Variants in LIMA1 observed in about 807,000 individuals in gnomAD.
LIMA1 encodes the protein LIM domain and actin binding 1.
In LIMA1, 52 loss-of-function variants were observed where a neutral mutation model predicts 62.6. That is an observed-to-expected ratio of 0.83 (90% CI 0.67 to 1.05). The LOEUF (loss-of-function observed/expected upper bound fraction) is 1.05. LIMA1 is among the 50% of genes least tolerant of loss of function. The pLI is 0.00. For missense variants in LIMA1, 780 were observed against 902.2 expected, an observed-to-expected ratio of 0.86 and a Z score of 1.74; for synonymous variants, 302 against 317.8, an observed-to-expected ratio of 0.95 and a Z score of 0.53.
chr12:50,178,127 C>G, intron 10 of LIMA1, 58 bp from the exon 11 acceptor site: 1 of 1,313,412 alleles, frequency 7.6e-7, no homozygotes, highest in Non-Finnish European at 1.0e-6. Flanking sequence ...TCACTTATAC[C>G]AGGAGGCTAA....
intron 3 of LIMA1, among the ~76,000 whole-genome samples, chr12:50,226,518 C>G (rs1941529427): frequency 6.6e-6 from 1 of 151,920 alleles, no homozygotes; most frequent in African/African-American, 2.4e-5. Flanking sequence ...TTTTGAGATG[C>G]AAGAAGGGTG....
chr12:50,211,813 C>T (rs1156860889), intron 4 of LIMA1, among the ~76,000 whole-genome samples: 1 of 151,958 alleles, frequency 6.6e-6, no homozygotes, highest in Non-Finnish European at 1.5e-5. Context: ...CACACACACA[C>T]GAATTCTGAT....
intron 1 of LIMA1, among the ~76,000 whole-genome samples, chr12:50,260,859 G>C (rs2138670821): frequency 7.6e-6 from 1 of 131,840 alleles, no homozygotes; most frequent in East Asian, 2.3e-4. Context: ...GCATGGATTA[G>C]AATTTAGCTG....
At chr12:50,214,542 C>T (rs1592526560) in intron 4 of LIMA1, among the ~76,000 whole-genome samples, 1 of 152,274 alleles carries the variant, frequency 6.6e-6, no homozygotes, top group Non-Finnish European at 1.5e-5. Flanking sequence ...GGCGCAGTGG[C>T]TCACACCTAT....
At chr12:50,238,517 A>G (rs1205987841) in intron 2 of LIMA1, among the ~76,000 whole-genome samples, 2 of 151,680 alleles carry the variant, frequency 1.3e-5, no homozygotes, top group Non-Finnish European at 2.9e-5. Context: ...AAAAAAAACA[A>G]AACAAAACAA....
At chr12:50,255,033 CA>C (rs200238214) in intron 1 of LIMA1, among the ~76,000 whole-genome samples, 3 of 96,622 alleles carry the variant, frequency 3.1e-5, no homozygotes, top group Admixed American at 1.1e-4. Flanking sequence ...AAAACAAAAC[CA>C]AAAAAAACAA....
chr12:50,193,337 G>T (rs956539434), intron 8 of LIMA1, among the ~76,000 whole-genome samples: 1 of 151,168 alleles, frequency 6.6e-6, no homozygotes, highest in Admixed American at 6.6e-5. Flanking sequence ...TTTAAGGTAG[G>T]ATTAACTAGA....
chr12:50,220,541 T>C (rs974982106), intron 4 of LIMA1: 4 of 152,300 alleles, frequency 2.6e-5, no homozygotes, highest in Admixed American at 6.5e-5. Context: ...AGTTTCAACA[T>C]GCAGCAGCCT....
At chr12:50,221,759 C>G (rs1941445894) in intron 4 of LIMA1, among the ~76,000 whole-genome samples, 1 of 152,186 alleles carries the variant, frequency 6.6e-6, no homozygotes, top group Non-Finnish European at 1.5e-5. Context: ...AACACATAAT[C>G]CAATCGGTAT....
intron 8 of LIMA1, among the ~76,000 whole-genome samples, chr12:50,195,172 C>T (rs1940901425): frequency 6.6e-6 from 1 of 151,984 alleles, no homozygotes; most frequent in South Asian, 2.1e-4. Flanking sequence ...CACTGCACTC[C>T]AGCCTAGGCA....
intron 1 of LIMA1, among the ~76,000 whole-genome samples, chr12:50,270,709 T>C (rs1456957967): frequency 3.9e-5 from 6 of 151,986 alleles, no homozygotes; most frequent in Middle Eastern, 3.2e-3. Context: ...GAATATCTTA[T>C]CTTCTTGTGC....
At chr12:50,192,256 C>T (rs979385510) in intron 9 of LIMA1, among the ~76,000 whole-genome samples, 196 bp downstream of exon 9, 18 of 152,074 alleles carry the variant, frequency 1.2e-4, no homozygotes, top group East Asian at 5.8e-4. Context: ...TGAGCCTTCT[C>T]GCTCCCGGGC....
intron 1 of LIMA1, among the ~76,000 whole-genome samples, chr12:50,254,443 A>G (rs1941968196): frequency 6.6e-6 from 1 of 152,170 alleles, no homozygotes; most frequent in Non-Finnish European, 1.5e-5. Context: ...ATAAAGCTCC[A>G]ATCATTTTCC....
At chr12:50,194,336 G>A (rs1592506509) in intron 8 of LIMA1, among the ~76,000 whole-genome samples, 1 of 149,772 alleles carries the variant, frequency 6.7e-6, no homozygotes, top group African/African-American at 2.5e-5. Context: ...TCGCTCTGTA[G>A]CCCAGGCTGG....
chr12:50,257,259 A>G lies in LIMA1; in HGVS notation c.-23-8485T>C, dbSNP rs146088617. 4.6e-5 allele frequency among the ~76,000 whole-genome samples: 7 copies of G among 152,288 alleles called. No individual in the cohort carries two copies. In the East Asian group the frequency reaches 1.4e-3, roughly 29 times the overall value. ...TTCAACCATTTACTTAGAAGATTTT[A>G]CATTACTTAGAACCATTTACATAGA... is the stretch of plus-strand genomic sequence containing the variant. On this transcript the variant is annotated intron_variant, in intron 1 of 10. Transcript: ENST00000341247.
At chr12:50,178,497 A>C (rs1940406418) in intron 10 of LIMA1, among the ~76,000 whole-genome samples, 1 of 150,796 alleles carries the variant, frequency 6.6e-6, no homozygotes, top group South Asian at 2.1e-4. Context: ...CAGTGAGCTG[A>C]GATTGTGCCA....
At chr12:50,269,610 G>A (rs148857696) in intron 1 of LIMA1, among the ~76,000 whole-genome samples, 24 of 152,218 alleles carry the variant, frequency 1.6e-4, no homozygotes, top group African/African-American at 5.3e-4. Flanking sequence ...ATCGGTAAAA[G>A]TTATCTCTCT....
At chr12:50,230,569 T>TC (rs1462582922) in intron 3 of LIMA1, among the ~76,000 whole-genome samples, 39 of 152,038 alleles carry the variant, frequency 2.6e-4, no homozygotes, top group African/African-American at 7.5e-4. Flanking sequence ...TTTCTTTTTT[T>TC]CTTTTTCTTT....
intron 2 of LIMA1, chr12:50,234,338 A>G: frequency 3.3e-6 from 1 of 300,930 alleles, no homozygotes; most frequent in South Asian, 2.9e-5. Context: ...CCTCCCAAGT[A>G]GCTGGGATTA....
Sources: gnomAD v4.1 joint callset for allele counts (sites outside exome capture counted in the v4.1 genomes callset) on GRCh38, gnomAD v4.1.1 for gene constraint, MANE v1.5 for transcripts, NCBI Gene and HGNC (gene_info 2026-07-23, HGNC 2026-07-21) for gene names.